The following ATP2A2 variants were observed in gnomAD, a reference collection of about 807,000 sequenced individuals.
ATP2A2 encodes the protein ATPase sarcoplasmic/endoplasmic reticulum Ca2+ transporting 2.
ATP2A2 carries 14 observed loss-of-function variants against 109.3 expected under a neutral mutation model. The observed-to-expected ratio is 0.13, with a 90% CI of 0.08 to 0.20. The LOEUF (loss-of-function observed/expected upper bound fraction) is 0.20. Ranked by LOEUF, ATP2A2 falls within the 10% of genes least tolerant of loss-of-function variation. The pLI is 1.00. For missense variants in ATP2A2, 657 were observed against 1,321.6 expected (o/e 0.50, Z 7.80); for synonymous variants, 506 against 490.9 (o/e 1.03, Z -0.41).
Position 110,327,801 on chromosome 12 carries a change from T to G in ATP2A2, c.879T>G (p.Ile293Met). 2 of 1,614,142 alleles carry G rather than the reference T, an allele frequency of 1.2e-6. No homozygotes were observed. The highest frequency in any genetic ancestry group is 1.1e-5 in the South Asian group (1 of 91,080). The stretch of plus-strand genomic sequence containing the variant: ...GAGGGTCCTGGATCAGAGGTGCTAT[T>G]TACTACTTTAAAATTGCAGTGGCCC... ...VHGGSWIRGA[I>M]YYFKIAVALA... is the part of the protein sequence containing the mutation. The change falls in exon 8 of 20, where the codon ATT (isoleucine) becomes ATG (methionine). Residue 293 changes from isoleucine to methionine, a missense_variant. This residue lies in a region of ATP2A2 where 136 missense variants were observed against 343.9 expected (regional missense o/e 0.40). Transcript: ENST00000539276. The surrounding 1 kb of genome is among the most constrained non-coding windows in gnomAD (Gnocchi z 4.4).
chr12:110,281,924 C>T lies in ATP2A2; in HGVS notation c.118+17C>T, dbSNP rs1872134110. The T allele has an allele frequency of 6.4e-7, 1 of 1,555,512 alleles. No individual in the cohort carries two copies. Among genetic ancestry groups the T allele is most frequent in the African/African-American group, 1.4e-5 (1 of 70,860 alleles). ...GCTCCAACGGTAGGTGCAGGGCGCTCCGCTGCAGGGGCCCGGCGCGGCCGG... is the reference window on the plus strand; with the variant it reads ...GCTCCAACGGTAGGTGCAGGGCGCTTCGCTGCAGGGGCCCGGCGCGGCCGG... On this transcript the variant is annotated intron_variant, in intron 1 of 19. Transcript: ENST00000539276.
chr12:110,318,942 A>C (rs1876951689), intron 5 of ATP2A2, among the ~76,000 whole-genome samples: 1 of 152,234 alleles, frequency 6.6e-6, no homozygotes, highest in African/African-American at 2.4e-5. Context: ...GAGAAACAGC[A>C]CAACAGAAAA....
intron 4 of ATP2A2, among the ~76,000 whole-genome samples, chr12:110,293,537 G>C (rs1317377378): frequency 6.6e-6 from 1 of 151,636 alleles, no homozygotes; most frequent in Non-Finnish European, 1.5e-5. Context: ...TGGGATTACA[G>C]GCACGTGCCA....
intron 6 of ATP2A2, among the ~76,000 whole-genome samples, chr12:110,324,579 G>C (rs1877576061): frequency 6.6e-6 from 1 of 152,078 alleles, no homozygotes; most frequent in African/African-American, 2.4e-5. Context: ...GCGCCACCAT[G>C]CCCAGCTTAT....
intron 3 of ATP2A2, among the ~76,000 whole-genome samples, chr12:110,284,611 T>C (rs1872488507): frequency 1.3e-5 from 2 of 152,212 alleles, no homozygotes; most frequent in South Asian, 4.1e-4. Context: ...GCTTATAGTT[T>C]GTAAGCATTT....
chr12:110,302,059 T>G (rs181098369), intron 5 of ATP2A2, among the ~76,000 whole-genome samples: 1 of 152,356 alleles, frequency 6.6e-6, no homozygotes, highest in East Asian at 1.9e-4. Flanking sequence ...CAAATAATGT[T>G]TGATCTATAG....
At chr12:110,282,052 G>C (rs1043248030) in intron 1 of ATP2A2, 145 bp downstream of exon 1, 4 of 553,760 alleles carry the variant, frequency 7.2e-6, no homozygotes, top group Admixed American at 4.1e-5. Context: ...CCGGCCCCGC[G>C]GGAGAGAAAG....
At position 110,350,350 on chromosome 12, in the gene ATP2A2, C is replaced by T. The variant is rs777680341; in HGVS notation, c.*3880C>T. 64 of 1,613,962 alleles carry T rather than the reference C, an allele frequency of 4.0e-5. No homozygotes were observed. Among genetic ancestry groups the T allele is most frequent in the Non-Finnish European group, 4.1e-5 (48 of 1,180,008 alleles). On this transcript the variant is annotated 3_prime_UTR_variant, in exon 20 of 20. Coordinates refer to ENST00000539276, the MANE Select transcript of ATP2A2 (RefSeq NM_170665.4). ...GCAGAAATGTAAGGGTGTTCGGTTG[C>T]GTGCATGTGCGTTTTTAGCAACACA...
chr12:110,322,865 T>G (rs1877383028), intron 5 of ATP2A2, 127 bp from the exon 6 acceptor site: 3 of 752,814 alleles, frequency 4.0e-6, no homozygotes, highest in Non-Finnish European at 7.0e-6. Context: ...TTAACTGAAT[T>G]TTATGTATTT....
chr12:110,317,420 G>GT (rs147920837), intron 5 of ATP2A2, among the ~76,000 whole-genome samples: 29,266 of 151,776 alleles, frequency 0.19, 3,182 homozygotes, highest in Admixed American at 0.29. Context: ...GTTTGTTTGG[G>GT]TTTTTTTTGA....
chr12:110,328,888 C>T (rs1404877241), intron 8 of ATP2A2, among the ~76,000 whole-genome samples: 1 of 152,184 alleles, frequency 6.6e-6, no homozygotes, highest in Admixed American at 6.5e-5. Context: ...TTTTCCTGAT[C>T]CTCTGTCTCT....
At chr12:110,291,638 C>A (rs1162977459) in intron 3 of ATP2A2, among the ~76,000 whole-genome samples, 1 of 138,536 alleles carries the variant, frequency 7.2e-6, no homozygotes, top group Non-Finnish European at 1.5e-5. Context: ...TAGTGCTAGC[C>A]ACTTTTTTTT....
Position 110,333,283 on chromosome 12 carries a change from G to A in ATP2A2, c.1287G>A (p.Glu429=), listed in dbSNP as rs1401617974. Residue 429 remains glutamate, a splice_region_variant and synonymous_variant, in exon 10 of 20, where the codon GAG becomes GAA. Coordinates refer to ENST00000539276, the MANE Select transcript of ATP2A2 (RefSeq NM_170665.4). ...ATGACTCTGCTTTGGATTACAATGAGGTAAGTCTCTTCATAAATTAGAAGG... is the reference window on the plus strand; with the variant it reads ...ATGACTCTGCTTTGGATTACAATGAAGTAAGTCTCTTCATAAATTAGAAGG... ...LCNDSALDYN[E]AKGVYEKVGE... is the part of the protein sequence containing the mutation. 1.9e-6 allele frequency: 3 copies of A among 1,606,700 alleles called. No individual in the cohort carries two copies. Among genetic ancestry groups the A allele is most frequent in the Admixed American group, 1.7e-5 (1 of 59,982 alleles).
Position 110,346,532 on chromosome 12 carries a change from C to T in ATP2A2, c.*62C>T. The T allele has an allele frequency of 6.3e-7, 1 of 1,599,968 alleles. No individual in the cohort carries two copies. The highest frequency in any genetic ancestry group is 1.3e-5 in the African/African-American group (1 of 74,368). ...CAATTAATTTTTTTATTGTTTAAAGCAACTGTCTATTTCTGCTGAATTTTC... is the reference window on the plus strand; with the variant it reads ...CAATTAATTTTTTTATTGTTTAAAGTAACTGTCTATTTCTGCTGAATTTTC... On this transcript the variant is annotated 3_prime_UTR_variant, in exon 20 of 20. Transcript: ENST00000539276.
At position 110,345,277 on chromosome 12, in the gene ATP2A2, A is replaced by C. The variant is rs112574072; in HGVS notation, c.2636A>C (p.Asn879Thr). ...LSHFLQCKED[N>T]PDFEGVDCAI... The stretch of plus-strand genomic sequence containing the variant: ...CATTTCCTACAGTGTAAAGAGGACA[A>C]CCCGGACTTTGAAGGCGTGGATTGT... Residue 879 changes from asparagine (N) to threonine (T), a missense_variant, in exon 18 of 20, where the codon AAC (asparagine) becomes ACC (threonine). Coordinates refer to ENST00000539276, the MANE Select transcript of ATP2A2 (RefSeq NM_170665.4). The C allele has an allele frequency of 5.6e-6, 9 of 1,614,120 alleles. No individual in the cohort carries two copies. Among genetic ancestry groups the C allele is most frequent in the Non-Finnish European group, 7.6e-6 (9 of 1,180,022 alleles).
chr12:110,285,467 A>G (rs537829839), intron 3 of ATP2A2, among the ~76,000 whole-genome samples: 3 of 152,120 alleles, frequency 2.0e-5, no homozygotes, highest in Non-Finnish European at 2.9e-5. Flanking sequence ...CTGCTTTGTT[A>G]AGATATTTAT....
Position 110,349,198 on chromosome 12 carries a change from C to T in ATP2A2, c.*2728C>T. On this transcript the variant is annotated 3_prime_UTR_variant, in exon 20 of 20. Transcript: ENST00000539276. The stretch of plus-strand genomic sequence containing the variant: ...TTGCTGGGTGAAAACACTTCAGCAT[C>T]TCCTCCTCAGGTCAACCCATAAAGA... The T allele has an allele frequency of 2.0e-6, 2 of 985,506 alleles. No individual in the cohort carries two copies. Among genetic ancestry groups the T allele is most frequent in the South Asian group, 4.7e-5 (1 of 21,290 alleles). The allele number at this position is 985,506 out of a possible 1,614,324, so 61.0% of individuals were successfully genotyped here.
intron 15 of ATP2A2, 129 bp from the exon 16 acceptor site, chr12:110,343,103 A>G (rs991524775): frequency 1.8e-5 from 17 of 961,320 alleles, no homozygotes; most frequent in Non-Finnish European, 2.8e-5. Context: ...ATTGGGTATA[A>G]GTATTTTACA....
intron 6 of ATP2A2, among the ~76,000 whole-genome samples, chr12:110,323,770 G>GGAC (rs1382746830): frequency 6.6e-6 from 1 of 152,102 alleles, no homozygotes; most frequent in East Asian, 1.9e-4. Flanking sequence ...CCAGCCTGGG[G>GGAC]GACAGAGCAA....
Sources: allele counts gnomAD v4.1 joint callset (sites outside exome capture counted in the v4.1 genomes callset), GRCh38; gene constraint gnomAD v4.1.1; regional missense constraint gnomAD v4.1.1; non-coding constraint Gnocchi (gnomAD v3.1); transcripts MANE v1.5; gene names NCBI Gene and HGNC (gene_info 2026-07-23, HGNC 2026-07-21).